Variants in MAPK10 observed in about 807,000 individuals in gnomAD.
The protein encoded by MAPK10 is JNK3 alpha protein kinase.
A neutral mutation model predicts 59.3 loss-of-function variants in MAPK10; 25 were observed. That is an observed-to-expected ratio of 0.42 (90% CI 0.31 to 0.59). The LOEUF (loss-of-function observed/expected upper bound fraction) is 0.59. Among genes scored for constraint, MAPK10 ranks in the 20% least tolerant of loss-of-function variants. The pLI is 0.15. For missense variants in MAPK10, 351 were observed against 568.9 expected (o/e 0.62, Z 3.90); for synonymous variants, 190 against 200.5 (o/e 0.95, Z 0.44).
At chr4:86,560,036 TG>T (rs1382058216) in intron 1 of MAPK10, among the ~76,000 whole-genome samples, 1 of 152,126 alleles carries the variant, frequency 6.6e-6, no homozygotes, top group Non-Finnish European at 1.5e-5. Flanking sequence ...AATATCATGT[TG>T]TATTGTAAAG....
intron 9 of MAPK10, among the ~76,000 whole-genome samples, chr4:86,089,829 CAT>C (rs779779920): frequency 6.6e-6 from 1 of 152,112 alleles, no homozygotes; most frequent in Non-Finnish European, 1.5e-5. Context: ...GTCTTAGTGT[CAT>C]TGACTCTCAT....
chr4:86,437,107 G>A (rs550599889), intron 1 of MAPK10, among the ~76,000 whole-genome samples: 26 of 151,844 alleles, frequency 1.7e-4, no homozygotes, highest in Admixed American at 3.9e-4. Context: ...CCAGCTACTC[G>A]GGAGGCTGAG....
intron 1 of MAPK10, among the ~76,000 whole-genome samples, chr4:86,545,256 A>G (rs745515440): frequency 3.9e-5 from 6 of 152,236 alleles, no homozygotes; most frequent in Non-Finnish European, 8.8e-5. Context: ...GTATCAGGTT[A>G]AAGGGTTGAG....
intron 1 of MAPK10, among the ~76,000 whole-genome samples, chr4:86,563,935 G>A (rs1056177885): frequency 2.6e-5 from 4 of 152,120 alleles, no homozygotes; most frequent in South Asian, 2.1e-4. Flanking sequence ...GTATTCAAGC[G>A]ATTCTCCTGC....
intron 1 of MAPK10, among the ~76,000 whole-genome samples, chr4:86,390,747 TAGG>T (rs1742082247): frequency 6.6e-6 from 1 of 152,188 alleles, no homozygotes; most frequent in African/African-American, 2.4e-5. Context: ...TAGGATTTCC[TAGG>T]AGGACAGTAC....
rs72662093 is a variant in MAPK10 at position 86,228,386 on chromosome 4, A to G, written c.-6-33979T>C. Among the ~76,000 whole-genome samples the G allele has an allele frequency of 8.2e-3, 1,248 of 152,308 alleles. 9 individuals are homozygous for G. Among genetic ancestry groups the G allele is most frequent in the Non-Finnish European group, 0.012 (791 of 68,026 alleles). ...ATGCCAGAGAATCAAGGTCACAGAA[A>G]AAACAGTAAATGTCGTGTATCACAA... On this transcript the variant is annotated intron_variant, in intron 2 of 13. Coordinates refer to ENST00000641462, the MANE Select transcript of MAPK10 (RefSeq NM_138982.4).
chr4:86,544,987 G>A (rs1445772474), intron 1 of MAPK10, among the ~76,000 whole-genome samples: 1 of 151,996 alleles, frequency 6.6e-6, no homozygotes, highest in Non-Finnish European at 1.5e-5. Context: ...GGGACGGCAA[G>A]AAGGAAAGAA....
At chr4:86,288,668 C>T (rs896603526) in intron 2 of MAPK10, among the ~76,000 whole-genome samples, 2 of 151,828 alleles carry the variant, frequency 1.3e-5, no homozygotes, top group Admixed American at 1.3e-4. Flanking sequence ...CCCTGTGTAC[C>T]CAAGTCTTTT....
chr4:86,027,458 A>C (rs983064826), intron 13 of MAPK10: 6 of 152,366 alleles, frequency 3.9e-5, no homozygotes, highest in Admixed American at 6.5e-5. Context: ...GCAAACCTTT[A>C]TGTGAAGCAT....
chr4:86,101,390 G>T, intron 7 of MAPK10, 173 bp from the exon 8 acceptor site: 1 of 520,484 alleles, frequency 1.9e-6, no homozygotes, highest in South Asian at 3.3e-5. Flanking sequence ...ATTAGTTTTT[G>T]GAAAGTGTTT....
intron 12 of MAPK10, among the ~76,000 whole-genome samples, chr4:86,030,215 T>G (rs2038679959): frequency 6.6e-6 from 1 of 152,198 alleles, no homozygotes; most frequent in Admixed American, 6.5e-5. Context: ...TTTTTTCACT[T>G]GATCCACTTT....
At chr4:86,293,052 A>G (rs1271837620) in intron 2 of MAPK10, among the ~76,000 whole-genome samples, 3 of 152,212 alleles carry the variant, frequency 2.0e-5, no homozygotes, top group African/African-American at 7.2e-5. Flanking sequence ...AAATACAACT[A>G]TGTCTATAGT....
rs533706121 is a variant in MAPK10 at position 86,408,998 on chromosome 4, T to C, written c.-122+44032A>G. ...GCCCATGCCTATGTCCTGAGTGGTA[T>C]TGCCTAGGTTTTCTTCTAGGGTTTT... On this transcript the variant is annotated intron_variant, in intron 1 of 13. Coordinates refer to the MAPK10 transcript ENST00000361569. Among the ~76,000 whole-genome samples the C allele has an allele frequency of 3.5e-4, 53 of 152,344 alleles. 1 individual carries two copies. Among genetic ancestry groups the C allele is most frequent in the African/African-American group, 1.2e-3 (51 of 41,590 alleles).
At position 86,089,383 on chromosome 4, in the gene MAPK10, A is replaced by T. The variant is rs2149046326; in HGVS notation, c.802+9141T>A. 4.0e-6 allele frequency: 3 copies of T among 742,416 alleles called. No individual in the cohort carries two copies. In the South Asian group the frequency reaches 5.1e-5, roughly 13 times the overall value. 46.0% of individuals were successfully genotyped at this position (742,416 alleles called of 1,614,324 possible). ...CCATAGAGCAATAGTCTGACTTTTC[A>T]CTGACTGGATGAGAGGCCAGTGGCA... On this transcript the variant is annotated intron_variant, in intron 9 of 13. Transcript: ENST00000641462.
At chr4:86,112,733 T>C (rs750499566) in intron 4 of MAPK10, among the ~76,000 whole-genome samples, 1 of 152,198 alleles carries the variant, frequency 6.6e-6, no homozygotes, top group Non-Finnish European at 1.5e-5. Context: ...TCAGGTCCAC[T>C]TGATCCAGAG....
chr4:86,261,405 G>A (rs1281704761), intron 2 of MAPK10, among the ~76,000 whole-genome samples: 1 of 152,150 alleles, frequency 6.6e-6, no homozygotes, highest in Non-Finnish European at 1.5e-5. Flanking sequence ...ACTGTCACGT[G>A]CCTTTTTAAA....
chr4:86,082,546 A>G (rs1239912030), intron 9 of MAPK10, among the ~76,000 whole-genome samples: 2 of 152,212 alleles, frequency 1.3e-5, no homozygotes, highest in East Asian at 1.9e-4. Flanking sequence ...GTTGTAAGAA[A>G]AAGTTATAGG....
At chr4:86,194,311 T>C in intron 3 of MAPK10, 25 bp downstream of exon 3, 1 of 1,592,886 alleles carries the variant, frequency 6.3e-7, no homozygotes, top group Non-Finnish European at 8.6e-7. Flanking sequence ...TACTGTACCT[T>C]GTTTTACCTG....
chr4:86,339,846 T>TA (rs1300203265), intron 2 of MAPK10, among the ~76,000 whole-genome samples: 1 of 152,208 alleles, frequency 6.6e-6, no homozygotes, highest in Non-Finnish European at 1.5e-5. Context: ...ATAAGGATTA[T>TA]AAAAAATGAT....
Sources: gnomAD v4.1 joint callset for allele counts (sites outside exome capture counted in the v4.1 genomes callset) on GRCh38, gnomAD v4.1.1 for gene constraint, MANE v1.5 for transcripts, NCBI Gene and HGNC (gene_info 2026-07-23, HGNC 2026-07-21) for gene names.